WDPCP: variants seen among roughly 807,000 people sequenced by gnomAD.
WDPCP encodes WD repeat-containing and planar cell polarity effector protein fritz homolog.
In WDPCP, 71 loss-of-function variants were observed where a neutral mutation model predicts 93.1. The observed-to-expected ratio is 0.76, with a 90% CI of 0.63 to 0.93. The LOEUF (loss-of-function observed/expected upper bound fraction) is 0.93. Among genes scored for constraint, WDPCP ranks in the 40% least tolerant of loss-of-function variants. The pLI is 0.00. For synonymous variants in WDPCP, 315 were observed against 315.0 expected (o/e 1.00, Z 0.00); for missense variants, 844 against 887.4 (o/e 0.95, Z 0.62).
chr2:63,509,271 T>A (rs1384049803), intron 1 of WDPCP, among the ~76,000 whole-genome samples: 1 of 152,170 alleles, frequency 6.6e-6, no homozygotes, highest in Non-Finnish European at 1.5e-5. Flanking sequence ...AACTCAGGAT[T>A]AAGAAACTCA....
At chr2:63,783,290 T>A (rs1670422950) in intron 2 of WDPCP, among the ~76,000 whole-genome samples, 1 of 151,786 alleles carries the variant, frequency 6.6e-6, no homozygotes, top group African/African-American at 2.4e-5. Context: ...GGTGTCATGG[T>A]ACACACTGTA....
chr2:63,284,526 G>T (rs1434387194), intron 13 of WDPCP, among the ~76,000 whole-genome samples: 1 of 152,122 alleles, frequency 6.6e-6, no homozygotes, highest in Non-Finnish European at 1.5e-5. Flanking sequence ...TATCCGAATT[G>T]TCAGAATTAC....
chr2:63,437,875 C>T lies in WDPCP; in HGVS notation c.500-321G>A, dbSNP rs777454937. ...ACTATTTCGCACCTGAATGTAGAGA[C>T]GAAAACATTCCATTTTATTTGTGCT... is the stretch of plus-strand genomic sequence containing the variant. On this transcript the variant is annotated intron_variant, in intron 7 of 17. Coordinates refer to ENST00000272321, the MANE Select transcript of WDPCP (RefSeq NM_015910.7). 1.4e-5 allele frequency: 23 copies of T among 1,595,156 alleles called. No individual in the cohort carries two copies. The highest frequency in any genetic ancestry group is 8.1e-5 in the African/African-American group (6 of 74,260).
chr2:63,572,375 G>GT (rs1707576041), intron 1 of WDPCP, among the ~76,000 whole-genome samples: 1 of 152,096 alleles, frequency 6.6e-6, no homozygotes, highest in Non-Finnish European at 1.5e-5. Context: ...GTATCCAGCT[G>GT]TAAGTTATTT....
chr2:63,640,753 A>G (rs1484029254), intron 3 of WDPCP, among the ~76,000 whole-genome samples: 6 of 152,230 alleles, frequency 3.9e-5, no homozygotes, highest in African/African-American at 1.4e-4. Flanking sequence ...TGCAATGCGT[A>G]ATAATCACAT....
intron 12 of WDPCP, among the ~76,000 whole-genome samples, chr2:63,345,530 T>G (rs1451972684): frequency 1.3e-5 from 2 of 152,182 alleles, no homozygotes; most frequent in African/African-American, 2.4e-5. Context: ...AGGTAATGAC[T>G]AAATGTGACA....
At chr2:63,196,270 G>A (rs185408530) in intron 14 of WDPCP, among the ~76,000 whole-genome samples, 1 of 152,304 alleles carries the variant, frequency 6.6e-6, no homozygotes, top group Non-Finnish European at 1.5e-5. Context: ...ACAATGGACT[G>A]GGGATCTGCA....
chr2:63,122,521 C>G (rs1380366432), intron 17 of WDPCP, among the ~76,000 whole-genome samples: 2 of 152,112 alleles, frequency 1.3e-5, no homozygotes, highest in Non-Finnish European at 2.9e-5. Flanking sequence ...ATAAGACTTT[C>G]ATAACATTTT....
At chr2:63,671,522 C>A (rs1710348172) in intron 2 of WDPCP, among the ~76,000 whole-genome samples, 2 of 152,118 alleles carry the variant, frequency 1.3e-5, no homozygotes, top group Admixed American at 1.3e-4. Context: ...TCTTCATTTT[C>A]TTTCACAAGT....
chr2:63,326,246 C>T (rs1351790871), intron 12 of WDPCP, among the ~76,000 whole-genome samples: 1 of 152,194 alleles, frequency 6.6e-6, no homozygotes, highest in Non-Finnish European at 1.5e-5. Context: ...AGGAACCAAT[C>T]GAGCATGACT....
At chr2:63,383,675 T>C (rs1692503414) in intron 10 of WDPCP, among the ~76,000 whole-genome samples, 1 of 152,154 alleles carries the variant, frequency 6.6e-6, no homozygotes, top group African/African-American at 2.4e-5. Flanking sequence ...ATCACACCAC[T>C]GCACTCCAGC....
At chr2:63,718,669 C>A (rs1032448488) in intron 2 of WDPCP, among the ~76,000 whole-genome samples, 1 of 152,104 alleles carries the variant, frequency 6.6e-6, no homozygotes, top group African/African-American at 2.4e-5. Flanking sequence ...TGAATGCATT[C>A]TTTGCAAATA....
intron 2 of WDPCP, among the ~76,000 whole-genome samples, chr2:63,810,175 C>T (rs1009254903): frequency 6.6e-6 from 1 of 152,162 alleles, no homozygotes; most frequent in African/African-American, 2.4e-5. Context: ...ATTAGAGGTT[C>T]TATATTGCTT....
chr2:63,251,801 C>A (rs1368371840), intron 14 of WDPCP, among the ~76,000 whole-genome samples: 1 of 151,680 alleles, frequency 6.6e-6, no homozygotes, highest in Admixed American at 6.6e-5. Flanking sequence ...AGAAAGCCTA[C>A]CAATTTTTAA....
intron 13 of WDPCP, among the ~76,000 whole-genome samples, chr2:63,281,185 A>G (rs1024883725): frequency 1.9e-4 from 29 of 152,204 alleles, no homozygotes; most frequent in African/African-American, 6.8e-4. Context: ...TGAATAGACA[A>G]TTCTCAAAAG....
chr2:63,156,815 T>C (rs1328141797), intron 15 of WDPCP, among the ~76,000 whole-genome samples: 11 of 152,306 alleles, frequency 7.2e-5, no homozygotes, highest in Admixed American at 6.5e-4. Context: ...AATGCACTTA[T>C]TAGTTGTAGG....
chr2:63,287,152 G>C (rs11684108), intron 13 of WDPCP, among the ~76,000 whole-genome samples: 121,699 of 152,070 alleles, frequency 0.8, 49,551 homozygotes, highest in East Asian at 0.96. Context: ...TATTGGATAA[G>C]GGGCCCATCC....
chr2:63,619,789 G>A (rs1052393623), intron 3 of WDPCP, among the ~76,000 whole-genome samples: 2 of 152,204 alleles, frequency 1.3e-5, no homozygotes, highest in Non-Finnish European at 2.9e-5. Flanking sequence ...AATGCAGAAG[G>A]TGGGTGATTT....
At chr2:63,625,443 C>T (rs1355817292) in intron 3 of WDPCP, among the ~76,000 whole-genome samples, 1 of 152,180 alleles carries the variant, frequency 6.6e-6, no homozygotes, top group Non-Finnish European at 1.5e-5. Flanking sequence ...CGTCTGAGCC[C>T]AACGTCTCCT....
Sources: gnomAD v4.1 joint callset for allele counts (sites outside exome capture counted in the v4.1 genomes callset) on GRCh38, gnomAD v4.1.1 for gene constraint, MANE v1.5 for transcripts, NCBI Gene and HGNC (gene_info 2026-07-23, HGNC 2026-07-21) for gene names.